FMR1NB: variants seen among roughly 807,000 people sequenced by gnomAD.
FMR1NB encodes the protein FMR1 neighbor.
FMR1NB carries 10 observed loss-of-function variants against 16.8 expected under a neutral mutation model. The ratio of observed to expected loss-of-function variants is 0.60; its 90% CI spans 0.37 to 1.01. The LOEUF (loss-of-function observed/expected upper bound fraction) is 1.01. FMR1NB is among the 50% of genes least tolerant of loss of function. FMR1NB has a pLI of 0.01. For missense variants in FMR1NB, 205 were observed against 204.8 expected, an observed-to-expected ratio of 1.00 and a Z score of 0.00; for synonymous variants, 83 against 79.1, an observed-to-expected ratio of 1.05 and a Z score of -0.26.
At chrX:147,993,896 CAA>C (rs1208834706) in intron 1 of FMR1NB, among the ~76,000 whole-genome samples, 5 of 110,803 alleles carry the variant, frequency 4.5e-5, no homozygotes, top group Non-Finnish European at 9.4e-5. Context: ...TTGCTTCACT[CAA>C]AGTCTTTCCC....
intron 1 of FMR1NB, among the ~76,000 whole-genome samples, chrX:147,989,353 T>C (rs1027499734): frequency 1.8e-5 from 2 of 111,775 alleles, no homozygotes; most frequent in Non-Finnish European, 3.8e-5. Flanking sequence ...CAAAGATTGC[T>C]TTCTGCTCCT....
intron 1 of FMR1NB, among the ~76,000 whole-genome samples, chrX:147,995,247 C>A (rs781930750): frequency 8.9e-6 from 1 of 112,001 alleles, no homozygotes; most frequent in Non-Finnish European, 1.9e-5. Context: ...GTTACAACAG[C>A]CCTAGGAAAC....
intron 1 of FMR1NB, 56 bp downstream of exon 1, chrX:147,981,735 A>C: frequency 1.1e-4 from 2 of 17,503 alleles, no homozygotes; most frequent in East Asian, 9.9e-4. Context: ...AGGGGGAGGG[A>C]GAGGGGGGCG....
intron 4 of FMR1NB, among the ~76,000 whole-genome samples, chrX:148,009,890 G>A (rs1242328666): frequency 9.0e-6 from 1 of 111,538 alleles, no homozygotes; most frequent in Non-Finnish European, 1.9e-5. Context: ...GGAATTTTTG[G>A]CCCTTCCTTC....
At position 148,003,226 on chromosome X, in the gene FMR1NB, T is replaced by C; in HGVS notation, c.303T>C (p.Asn101=). 1 of 1,209,324 alleles carries C rather than the reference T, an allele frequency of 8.3e-7. No individual in the cohort carries two copies. Among genetic ancestry groups the C allele is most frequent in the Non-Finnish European group, 1.1e-6 (1 of 893,724 alleles). The change falls in exon 2 of 6, where the codon AAT becomes AAC. Residue 101 remains asparagine (N), a synonymous_variant. Transcript: ENST00000370467. ...GGTCCTCATATTTTGTGCTTGCAAA[T>C]GGACATATCCTGCCCAACAGTGAAA... The part of the protein sequence containing the change: ...CSGSSYFVLA[N]GHILPNSENA...
intron 1 of FMR1NB, among the ~76,000 whole-genome samples, chrX:147,983,854 C>T (rs1286855426): frequency 2.7e-5 from 3 of 111,743 alleles, no homozygotes; most frequent in Admixed American, 9.6e-5. Context: ...AAGAGTTTTA[C>T]GGTTTTAACT....
At chrX:148,016,592 T>G (rs977814191) in intron 4 of FMR1NB, among the ~76,000 whole-genome samples, 3 of 111,891 alleles carry the variant, frequency 2.7e-5, no homozygotes, top group Admixed American at 1.9e-4. Context: ...ATGATTTAGT[T>G]TCTTGCTTTT....
intron 4 of FMR1NB, among the ~76,000 whole-genome samples, chrX:148,013,454 A>G (rs377320088): frequency 6.3e-5 from 7 of 111,789 alleles, no homozygotes; most frequent in Non-Finnish European, 1.3e-4. Context: ...GTTCACCCAA[A>G]TGTGGTTGTT....
At chrX:147,982,359 G>A (rs781892549) in intron 1 of FMR1NB, among the ~76,000 whole-genome samples, 5 of 109,624 alleles carry the variant, frequency 4.6e-5, no homozygotes, top group East Asian at 5.8e-4. Context: ...AGGCCGAGGC[G>A]GGCGGATTGC....
rs188563025 is a variant in FMR1NB, at chrX:147,991,951, G to C, written c.277+10272G>C. Among the ~76,000 whole-genome samples, 697 of 110,418 alleles carry C rather than the reference G, an allele frequency of 6.3e-3. 2 individuals are homozygous for C. Among genetic ancestry groups the C allele is most frequent in the Middle Eastern group, 0.019 (4 of 216 alleles). On this transcript the variant is annotated intron_variant, in intron 1 of 5. Transcript: ENST00000370467. ...TTAACCCTGAGTGGACACAGCACAT[G>C]TTTCAGAGAGCACAGGGTTGGGGGC...
intron 1 of FMR1NB, among the ~76,000 whole-genome samples, chrX:147,998,947 C>T (rs1479360230): frequency 1.8e-5 from 2 of 112,033 alleles, no homozygotes; most frequent in African/African-American, 3.2e-5. Flanking sequence ...GTTTAATTGT[C>T]GCTTTCATTT....
chrX:148,003,429 G>A (rs1031041013), intron 2 of FMR1NB, 109 bp downstream of exon 2: 1 of 864,248 alleles, frequency 1.2e-6, no homozygotes, highest in African/African-American at 2.0e-5. Context: ...GGACAGAGCT[G>A]AGTTTGAATC....
At chrX:148,005,331 G>C (rs1464314819) in intron 2 of FMR1NB, among the ~76,000 whole-genome samples, 5 of 111,323 alleles carry the variant, frequency 4.5e-5, no homozygotes, top group African/African-American at 1.6e-4. Context: ...CTGGGAAGTG[G>C]TGTTTGAACA....
At chrX:148,008,444 T>C (rs1287996871) in intron 3 of FMR1NB, among the ~76,000 whole-genome samples, 174 bp from the exon 4 acceptor site, 6 of 112,264 alleles carry the variant, frequency 5.3e-5, no homozygotes, top group African/African-American at 1.9e-4. Context: ...TTCAAGAACA[T>C]TTCATGAACT....
At chrX:147,995,532 A>G (rs782413329) in intron 1 of FMR1NB, among the ~76,000 whole-genome samples, 5 of 112,042 alleles carry the variant, frequency 4.5e-5, no homozygotes, top group African/African-American at 1.3e-4. Flanking sequence ...GGCATACAGG[A>G]TAAGGAGAGA....
chrX:148,017,119 G>A (rs1403290323), intron 4 of FMR1NB, among the ~76,000 whole-genome samples: 14 of 110,693 alleles, frequency 1.3e-4, no homozygotes, highest in African/African-American at 4.3e-4. Flanking sequence ...GGATATTTTC[G>A]TTGGACATAC....
At chrX:147,987,794 C>T (rs1277614712) in intron 1 of FMR1NB, among the ~76,000 whole-genome samples, 1 of 109,886 alleles carries the variant, frequency 9.1e-6, no homozygotes, top group Non-Finnish European at 1.9e-5. Flanking sequence ...ATGTAATGCC[C>T]TTCTTTGTCT....
intron 4 of FMR1NB, among the ~76,000 whole-genome samples, chrX:148,024,616 A>G (rs781851472): frequency 5.4e-5 from 6 of 111,679 alleles, no homozygotes; most frequent in Non-Finnish European, 9.4e-5. Context: ...GGGAAGTGGG[A>G]GAGCATTTCT....
chrX:147,986,207 T>A (rs2044475950), intron 1 of FMR1NB, among the ~76,000 whole-genome samples: 1 of 112,588 alleles, frequency 8.9e-6, no homozygotes, highest in African/African-American at 3.2e-5. Flanking sequence ...TCCTTGTAGA[T>A]TCTGGTTATT....
Sources: allele counts gnomAD v4.1 joint callset (sites outside exome capture counted in the v4.1 genomes callset), GRCh38; gene constraint gnomAD v4.1.1; transcripts MANE v1.5; gene names NCBI Gene and HGNC (gene_info 2026-07-23, HGNC 2026-07-21).